Variants in SPOCK1 observed in about 807,000 individuals in gnomAD.
The protein encoded by SPOCK1 is testican-1.
In SPOCK1, 23 loss-of-function variants were observed where a neutral mutation model predicts 55.3. That is an observed-to-expected ratio of 0.42 (90% CI 0.30 to 0.59). The LOEUF (loss-of-function observed/expected upper bound fraction) is 0.59, where lower values mean the gene tolerates loss of function less well. SPOCK1 is among the 20% of genes least tolerant of loss of function. SPOCK1 has a pLI of 0.22. For missense variants in SPOCK1, 499 were observed against 552.5 expected (o/e 0.90, Z 0.97); for synonymous variants, 226 against 221.0 (o/e 1.02, Z -0.20).
At chr5:137,495,078 A>C (rs1227432117) in intron 2 of SPOCK1, among the ~76,000 whole-genome samples, 2 of 152,240 alleles carry the variant, frequency 1.3e-5, no homozygotes. Context: ...AGTGTTTATA[A>C]AAGAAGAATG....
At chr5:137,296,126 T>G (rs919332647) in intron 2 of SPOCK1, among the ~76,000 whole-genome samples, 1 of 152,174 alleles carries the variant, frequency 6.6e-6, no homozygotes, top group Non-Finnish European at 1.5e-5. Context: ...ACAGCATCTA[T>G]GAGGAATGGG....
intron 3 of SPOCK1, among the ~76,000 whole-genome samples, chr5:137,232,525 G>C (rs1043132986): frequency 6.6e-6 from 1 of 152,122 alleles, no homozygotes; most frequent in African/African-American, 2.4e-5. Context: ...TATCTATTCT[G>C]TTTCACGGAT....
intron 6 of SPOCK1, among the ~76,000 whole-genome samples, chr5:137,022,760 G>A (rs973105734): frequency 2.6e-5 from 4 of 152,136 alleles, no homozygotes; most frequent in Non-Finnish European, 5.9e-5. Flanking sequence ...AAACAACAAA[G>A]GGCAGCTATT....
At chr5:137,160,423 T>C (rs1754505887) in intron 3 of SPOCK1, among the ~76,000 whole-genome samples, 1 of 117,912 alleles carries the variant, frequency 8.5e-6, no homozygotes, top group Admixed American at 1.1e-4. Flanking sequence ...ATATATAATA[T>C]AATATATATA....
At chr5:137,343,007 T>C (rs769386874) in intron 2 of SPOCK1, among the ~76,000 whole-genome samples, 2 of 152,228 alleles carry the variant, frequency 1.3e-5, no homozygotes, top group Non-Finnish European at 2.9e-5. Context: ...CCAGATCAAG[T>C]GTTAAACCAA....
intron 3 of SPOCK1, among the ~76,000 whole-genome samples, chr5:137,184,629 G>A (rs1347802146): frequency 1.3e-5 from 2 of 152,176 alleles, no homozygotes; most frequent in African/African-American, 4.8e-5. Context: ...TCACAGCCCA[G>A]TGCAGAGAAT....
intron 2 of SPOCK1, among the ~76,000 whole-genome samples, chr5:137,282,430 C>T (rs1757184135): frequency 6.6e-6 from 1 of 152,244 alleles, no homozygotes; most frequent in Admixed American, 6.5e-5. Context: ...ATGGATTTCT[C>T]ATTATCTGTT....
At chr5:137,374,373 T>C (rs930694425) in intron 2 of SPOCK1, among the ~76,000 whole-genome samples, 1 of 152,142 alleles carries the variant, frequency 6.6e-6, no homozygotes, top group African/African-American at 2.4e-5. Flanking sequence ...CCCAGGTACA[T>C]AGTGAAAAAT....
rs541709339 is a variant in SPOCK1 at position 137,132,452 on chromosome 5, T to C, written c.347+8128A>G. 5.3e-5 allele frequency among the ~76,000 whole-genome samples: 8 copies of C among 152,240 alleles called. No homozygotes were observed. In the East Asian group the frequency reaches 1.5e-3, roughly 29 times the overall value. On this transcript the variant is annotated intron_variant, in intron 4 of 10. Coordinates refer to ENST00000394945, the MANE Select transcript of SPOCK1 (RefSeq NM_004598.4). ...AAATCCGATGTAGGAAATATACCAA[T>C]ATGTACATTCCTTAATAAGCAAGGA...
At chr5:137,369,396 A>G (rs566851319) in intron 2 of SPOCK1, among the ~76,000 whole-genome samples, 2 of 152,270 alleles carry the variant, frequency 1.3e-5, no homozygotes, top group African/African-American at 4.8e-5. Flanking sequence ...TGGCTTTGCA[A>G]GGGACCCAAA....
chr5:137,395,913 A>G (rs531001610), intron 2 of SPOCK1, among the ~76,000 whole-genome samples: 1 of 152,282 alleles, frequency 6.6e-6, no homozygotes, highest in African/African-American at 2.4e-5. Flanking sequence ...TCCCAGAAAG[A>G]TCCCAATCCC....
chr5:137,114,427 C>T (rs1753540289), intron 4 of SPOCK1, among the ~76,000 whole-genome samples: 1 of 152,202 alleles, frequency 6.6e-6, no homozygotes, highest in South Asian at 2.1e-4. Context: ...TGAGGGCACC[C>T]ATATGTGTGT....
At chr5:137,462,343 C>A (rs942239066) in intron 2 of SPOCK1, among the ~76,000 whole-genome samples, 2 of 152,238 alleles carry the variant, frequency 1.3e-5, no homozygotes, top group Non-Finnish European at 2.9e-5. Flanking sequence ...GAGCTTCCAT[C>A]CATTCAGGCA....
intron 2 of SPOCK1, among the ~76,000 whole-genome samples, chr5:137,457,801 G>A (rs145277703): frequency 4.1e-4 from 63 of 152,086 alleles, no homozygotes; most frequent in African/African-American, 1.5e-3. Flanking sequence ...CATCCCAGAG[G>A]GGAAAAAAGG....
chr5:137,258,394 C>T (rs1309880030), intron 3 of SPOCK1, among the ~76,000 whole-genome samples: 2 of 152,212 alleles, frequency 1.3e-5, no homozygotes, highest in African/African-American at 4.8e-5. Flanking sequence ...CTTAACAAAA[C>T]AAAACCCCCA....
At chr5:137,181,512 T>C (rs1375223429) in intron 3 of SPOCK1, among the ~76,000 whole-genome samples, 1 of 152,202 alleles carries the variant, frequency 6.6e-6, no homozygotes, top group African/African-American at 2.4e-5. Context: ...TAGGCTGAAT[T>C]CAGGGAATGG....
intron 5 of SPOCK1, among the ~76,000 whole-genome samples, 166 bp from the exon 6 acceptor site, chr5:137,067,995 C>T (rs192255518): frequency 6.6e-6 from 1 of 152,246 alleles, no homozygotes; most frequent in East Asian, 1.9e-4. Flanking sequence ...TAAGAAATGG[C>T]CTTTTATATT....
At chr5:137,323,558 GA>G (rs139049723) in intron 2 of SPOCK1, among the ~76,000 whole-genome samples, 5,089 of 144,990 alleles carry the variant, frequency 0.035, 146 homozygotes, top group East Asian at 0.13. Flanking sequence ...AACAGAAGGG[GA>G]AAAAAAAAAT....
intron 3 of SPOCK1, among the ~76,000 whole-genome samples, chr5:137,243,985 TG>T (rs1756344797): frequency 6.6e-6 from 1 of 152,136 alleles, no homozygotes; most frequent in African/African-American, 2.4e-5. Context: ...TCTAATAAGG[TG>T]GCAATGGCCC....
Sources: allele counts gnomAD v4.1 joint callset (sites outside exome capture counted in the v4.1 genomes callset), GRCh38; gene constraint gnomAD v4.1.1; transcripts MANE v1.5; gene names NCBI Gene and HGNC (gene_info 2026-07-23, HGNC 2026-07-21).